Variants in NLRP8 observed in about 807,000 individuals in gnomAD.
The protein encoded by NLRP8 is NACHT, LRR and PYD domains-containing protein 8.
In NLRP8, 86 loss-of-function variants were observed where a neutral mutation model predicts 88.7. That is an observed-to-expected ratio of 0.97 (90% CI 0.81 to 1.16). NLRP8 has a LOEUF of 1.16. NLRP8 is among the 50% of genes most tolerant of loss of function. The pLI, the probability that NLRP8 is intolerant of heterozygous loss-of-function variation, is 0.00. For missense variants in NLRP8, 1,342 were observed against 1,286.5 expected, an observed-to-expected ratio of 1.04 and a Z score of -0.66; for synonymous variants, 504 against 494.6, an observed-to-expected ratio of 1.02 and a Z score of -0.25.
chr19:55,978,350 C>T (rs184396026), intron 8 of NLRP8, among the ~76,000 whole-genome samples: 98 of 151,852 alleles, frequency 6.5e-4, no homozygotes, highest in African/African-American at 2.3e-3. Flanking sequence ...ATTCATGGAC[C>T]CTATCTGTCT....
chr19:55,970,499 T>C (rs1187224821), intron 5 of NLRP8, 45 bp from the exon 6 acceptor site: 4 of 1,601,360 alleles, frequency 2.5e-6, no homozygotes, highest in East Asian at 2.2e-5. Flanking sequence ...ACAGGTACCA[T>C]TTTCCCCAGA....
chr19:55,956,407 C>A (rs1264777206), intron 3 of NLRP8, among the ~76,000 whole-genome samples: 1 of 152,062 alleles, frequency 6.6e-6, no homozygotes, highest in Non-Finnish European at 1.5e-5. Flanking sequence ...CTGCACCCGG[C>A]TAATTTTGGC....
chr19:55,960,057 T>G (rs1271537379), intron 3 of NLRP8, among the ~76,000 whole-genome samples: 1 of 152,072 alleles, frequency 6.6e-6, no homozygotes, highest in Non-Finnish European at 1.5e-5. Flanking sequence ...ACTTGTTTAA[T>G]CCTGAATGGG....
In NLRP8 at chr19:55,955,358, T is replaced by G; in HGVS notation, c.1300T>G (p.Leu434Val). Reference sequence around the variant, plus strand: ...TGTGTTCGTCCGGTATATTTCTAGCTTGTTTCCCACCAGAGCTGAGAACTT... The same window carrying G: ...TGTGTTCGTCCGGTATATTTCTAGCGTGTTTCCCACCAGAGCTGAGAACTT... Residue 434 changes from leucine (L) to valine (V), a missense_variant, in exon 3 of 10, where the codon TTG becomes GTG. Transcript: ENST00000291971. 1 of 1,614,192 alleles carries G rather than the reference T, an allele frequency of 6.2e-7. No homozygotes were observed. The highest frequency in any genetic ancestry group is 1.1e-5 in the South Asian group (1 of 91,088).
At chr19:55,978,883 C>A (rs1038388238) in intron 8 of NLRP8, among the ~76,000 whole-genome samples, 7 of 152,108 alleles carry the variant, frequency 4.6e-5, no homozygotes, top group Non-Finnish European at 8.8e-5. Flanking sequence ...AGGGTCACAC[C>A]ACTGCACTCC....
intron 4 of NLRP8, among the ~76,000 whole-genome samples, chr19:55,964,307 C>T (rs1440671862): frequency 1.3e-5 from 2 of 152,192 alleles, no homozygotes; most frequent in African/African-American, 2.4e-5. Context: ...GAGAAAATGT[C>T]GTATGCTCTC....
At chr19:55,972,809 A>ATATG (rs1555756870) in intron 6 of NLRP8, among the ~76,000 whole-genome samples, 3 of 135,036 alleles carry the variant, frequency 2.2e-5, no homozygotes, top group Non-Finnish European at 4.7e-5. Context: ...GTGTGTGTGT[A>ATATG]TGTGTGTGTG....
At chr19:55,979,608 A>G (rs761720592) in intron 9 of NLRP8, 44 bp downstream of exon 9, 2 of 1,603,878 alleles carry the variant, frequency 1.2e-6, no homozygotes, top group Non-Finnish European at 1.7e-6. Flanking sequence ...ACCACACAAG[A>G]GAAGCTCCTT....
chr19:55,987,364 C>T (rs1177476659), intron 9 of NLRP8, among the ~76,000 whole-genome samples: 1 of 152,180 alleles, frequency 6.6e-6, no homozygotes, highest in Non-Finnish European at 1.5e-5. Flanking sequence ...AGTGAGACTT[C>T]GTCTCAAGTA....
At chr19:55,985,720 T>A (rs1424599811) in intron 9 of NLRP8, among the ~76,000 whole-genome samples, 4 of 152,148 alleles carry the variant, frequency 2.6e-5, no homozygotes, top group Non-Finnish European at 4.4e-5. Context: ...CAAATGGAAT[T>A]TTCAAACACA....
In NLRP8 at chr19:55,962,168, T is replaced by C. The variant is rs1979642107; in HGVS notation, c.2144T>C (p.Leu715Ser). ...GTCCTGACTATGACCAACAGTGTTT[T>C]GGGGCCTCCTTTTTTGAAGGCTCTC... The change falls in exon 4 of 10, where the codon TTG becomes TCG. Residue 715 changes from leucine (L) to serine (S), a missense_variant. Transcript: ENST00000291971. 6.2e-7 allele frequency: 1 copy of C among 1,614,212 alleles called. No individual in the cohort carries two copies. Among genetic ancestry groups the C allele is most frequent in the Non-Finnish European group, 8.5e-7 (1 of 1,180,016 alleles).
intron 1 of NLRP8, among the ~76,000 whole-genome samples, chr19:55,950,573 C>T (rs529899078): frequency 6.6e-6 from 1 of 152,346 alleles, no homozygotes; most frequent in South Asian, 2.1e-4. Flanking sequence ...CATTCCCAGA[C>T]AGCAACGCAG....
intron 1 of NLRP8, among the ~76,000 whole-genome samples, chr19:55,950,044 C>T (rs1600294641): frequency 1.3e-5 from 2 of 152,038 alleles, no homozygotes; most frequent in African/African-American, 4.8e-5. Context: ...GGGATGGAAA[C>T]CCCGTGACCC....
chr19:55,962,413 G>A (rs1035092755), intron 4 of NLRP8, among the ~76,000 whole-genome samples, 176 bp downstream of exon 4: 1 of 152,176 alleles, frequency 6.6e-6, no homozygotes, highest in Non-Finnish European at 1.5e-5. Flanking sequence ...AACCACACAC[G>A]GGAGCCAGGC....
At chr19:55,974,197 G>A (rs903783971) in intron 7 of NLRP8, among the ~76,000 whole-genome samples, 7 of 149,790 alleles carry the variant, frequency 4.7e-5, no homozygotes, top group African/African-American at 1.7e-4. Context: ...GTTAAGGACA[G>A]GTTTATTTTA....
chr19:55,972,246 C>G (rs1226486444), intron 6 of NLRP8, among the ~76,000 whole-genome samples: 1 of 151,396 alleles, frequency 6.6e-6, no homozygotes, highest in East Asian at 1.9e-4. Context: ...TTCTGAGTAG[C>G]TGGGATTACA....
intron 9 of NLRP8, among the ~76,000 whole-genome samples, chr19:55,982,517 G>A (rs1411415060): frequency 6.6e-6 from 1 of 152,196 alleles, no homozygotes; most frequent in Non-Finnish European, 1.5e-5. Context: ...TGGTGCTCAG[G>A]TATTGTTTTC....
chr19:55,974,059 T>G (rs1980199320), intron 7 of NLRP8, among the ~76,000 whole-genome samples: 1 of 152,026 alleles, frequency 6.6e-6, no homozygotes, highest in Admixed American at 6.6e-5. Context: ...AGGAGTGAAC[T>G]CAGAAGGACT....
At chr19:55,963,186 G>A (rs997436749) in intron 4 of NLRP8, among the ~76,000 whole-genome samples, 6 of 151,830 alleles carry the variant, frequency 4.0e-5, no homozygotes, top group Admixed American at 1.3e-4. Context: ...GCTAATTTTT[G>A]TATTTTTAGT....
Sources: allele counts gnomAD v4.1 joint callset (sites outside exome capture counted in the v4.1 genomes callset), GRCh38; gene constraint gnomAD v4.1.1; transcripts MANE v1.5; gene names NCBI Gene and HGNC (gene_info 2026-07-23, HGNC 2026-07-21).